Variants in MSRA observed in about 807,000 individuals in gnomAD.
The protein encoded by MSRA is methionine sulfoxide reductase A.
MSRA carries 54 observed loss-of-function variants against 31.3 expected under a neutral mutation model. The ratio of observed to expected loss-of-function variants is 1.73; its 90% CI spans 1.39 to 2.17. The LOEUF (loss-of-function observed/expected upper bound fraction) is 2.17, where lower values mean the gene tolerates loss of function less well. Ranked by LOEUF, MSRA falls within the 30% of genes most tolerant of loss-of-function variation. The pLI is 0.00. For missense variants in MSRA, 507 were observed against 300.9 expected, an observed-to-expected ratio of 1.69 and a Z score of -5.07; for synonymous variants, 169 against 116.5, an observed-to-expected ratio of 1.45 and a Z score of -2.90.
At chr8:10,058,075 T>G (rs1802497184) in intron 1 of MSRA, among the ~76,000 whole-genome samples, 1 of 152,250 alleles carries the variant, frequency 6.6e-6, no homozygotes, top group South Asian at 2.1e-4. Context: ...TGATTCTATC[T>G]TGGCTTTCTT....
At chr8:10,125,168 C>T (rs1384212672) in intron 1 of MSRA, among the ~76,000 whole-genome samples, 2 of 152,272 alleles carry the variant, frequency 1.3e-5, no homozygotes, top group East Asian at 1.9e-4. Context: ...ATGGGTGTGA[C>T]GGCTGCCAGG....
chr8:10,085,318 T>A (rs182344503), intron 1 of MSRA, among the ~76,000 whole-genome samples: 1 of 152,304 alleles, frequency 6.6e-6, no homozygotes, highest in East Asian at 1.9e-4. Context: ...ATGAACATCA[T>A]CTGTAAGGCC....
At chr8:10,283,836 T>TATATATATATACACACAC (rs1261287031) in intron 3 of MSRA, among the ~76,000 whole-genome samples, 11 of 53,154 alleles carry the variant, frequency 2.1e-4, no homozygotes, top group African/African-American at 3.5e-4. Context: ...TATATATATA[T>TATATATATATACACACAC]ACACACACAC....
chr8:10,060,581 C>G (rs977555980), intron 1 of MSRA, among the ~76,000 whole-genome samples: 5 of 150,880 alleles, frequency 3.3e-5, no homozygotes, highest in Non-Finnish European at 5.9e-5. Flanking sequence ...TGATCTGTCT[C>G]GCTGTTTTTA....
intron 1 of MSRA, among the ~76,000 whole-genome samples, chr8:10,176,301 A>G (rs967857996): frequency 6.6e-6 from 1 of 152,146 alleles, no homozygotes; most frequent in Non-Finnish European, 1.5e-5. Flanking sequence ...TTCATCTCAA[A>G]TCAAGCCTCC....
chr8:10,123,074 C>T (rs1265602523), intron 1 of MSRA, among the ~76,000 whole-genome samples: 1 of 152,200 alleles, frequency 6.6e-6, no homozygotes, highest in East Asian at 1.9e-4. Flanking sequence ...TGTCAAATAG[C>T]AGTTCTGTTT....
chr8:10,245,540 T>G (rs953769898), intron 3 of MSRA, among the ~76,000 whole-genome samples: 7 of 152,234 alleles, frequency 4.6e-5, no homozygotes, highest in Non-Finnish European at 8.8e-5. Context: ...GTTCTTCTGT[T>G]AGCCTCACCT....
At chr8:10,364,496 C>G (rs1256633935) in intron 5 of MSRA, among the ~76,000 whole-genome samples, 1 of 152,156 alleles carries the variant, frequency 6.6e-6, no homozygotes, top group Non-Finnish European at 1.5e-5. Flanking sequence ...AAAACCTTCC[C>G]CACTTGCCTT....
intron 1 of MSRA, among the ~76,000 whole-genome samples, chr8:10,108,377 G>A (rs942119368): frequency 2.6e-5 from 4 of 152,230 alleles, no homozygotes; most frequent in African/African-American, 9.6e-5. Flanking sequence ...CTGATGGGAT[G>A]TGAAGAGGAG....
intron 1 of MSRA, among the ~76,000 whole-genome samples, chr8:10,102,622 A>T (rs929424018): frequency 1.3e-5 from 2 of 152,180 alleles, no homozygotes; most frequent in African/African-American, 4.8e-5. Context: ...TTTCTCATTT[A>T]AATTGAGGTT....
At chr8:10,097,778 TA>T (rs1447848451) in intron 1 of MSRA, among the ~76,000 whole-genome samples, 3 of 152,290 alleles carry the variant, frequency 2.0e-5, no homozygotes, top group African/African-American at 7.2e-5. Context: ...TGATCAAAAG[TA>T]GGTGAATTAA....
chr8:10,172,650 C>A lies in MSRA; in HGVS notation c.143-35183C>A, dbSNP rs567635806. Among the ~76,000 whole-genome samples, 6 of 152,168 alleles carry A rather than the reference C, an allele frequency of 3.9e-5. No individual in the cohort carries two copies. The East Asian group carries it at 9.7e-4, about 24-fold the overall frequency. ...ATGGCTCCACTTGATATTGTAAATACCAATTGGAAGTTGGAGTGAACTTCT... is the reference window on the plus strand; with the variant it reads ...ATGGCTCCACTTGATATTGTAAATAACAATTGGAAGTTGGAGTGAACTTCT... On this transcript the variant is annotated intron_variant, in intron 1 of 5. Coordinates refer to ENST00000317173, the MANE Select transcript of MSRA (RefSeq NM_012331.5).
At chr8:10,244,281 C>T (rs1474988355) in intron 2 of MSRA, among the ~76,000 whole-genome samples, 1 of 152,186 alleles carries the variant, frequency 6.6e-6, no homozygotes. Flanking sequence ...ACTTATGGTA[C>T]AAAATGAAGG....
intron 1 of MSRA, among the ~76,000 whole-genome samples, chr8:10,165,646 C>G (rs1029636871): frequency 6.6e-6 from 1 of 152,070 alleles, no homozygotes; most frequent in Non-Finnish European, 1.5e-5. Flanking sequence ...CTCTGTAGAC[C>G]GAGTCTACGT....
At chr8:10,096,104 G>C in intron 1 of MSRA, 2 of 1,303,294 alleles carry the variant, frequency 1.5e-6, no homozygotes, top group Non-Finnish European at 2.0e-6. Context: ...AACTTTTCAA[G>C]GAGCCTTTCT....
At chr8:10,314,996 A>G (rs188835792) in intron 4 of MSRA, among the ~76,000 whole-genome samples, 2 of 152,332 alleles carry the variant, frequency 1.3e-5, no homozygotes, top group East Asian at 3.9e-4. Context: ...ATGGCTGGGG[A>G]GCCTTCACAA....
chr8:10,404,997 G>C (rs935020489), intron 5 of MSRA, among the ~76,000 whole-genome samples: 2 of 152,222 alleles, frequency 1.3e-5, no homozygotes, highest in African/African-American at 4.8e-5. Flanking sequence ...ACAGGCTCCA[G>C]ATGTGGGGCC....
intron 1 of MSRA, among the ~76,000 whole-genome samples, chr8:10,129,629 C>G (rs1323898806): frequency 6.6e-6 from 1 of 152,060 alleles, no homozygotes; most frequent in African/African-American, 2.4e-5. Context: ...ATGGGTTGGA[C>G]TGTGCAGATC....
At chr8:10,168,807 C>T (rs1252918507) in intron 1 of MSRA, among the ~76,000 whole-genome samples, 1 of 152,208 alleles carries the variant, frequency 6.6e-6, no homozygotes, top group African/African-American at 2.4e-5. Flanking sequence ...ACCATGTAGG[C>T]TTCACTAAAG....
Sources: gnomAD v4.1 joint callset for allele counts (sites outside exome capture counted in the v4.1 genomes callset) on GRCh38, gnomAD v4.1.1 for gene constraint, MANE v1.5 for transcripts, NCBI Gene and HGNC (gene_info 2026-07-23, HGNC 2026-07-21) for gene names.